ERICH6: variants seen among roughly 807,000 people sequenced by gnomAD.
The protein encoded by ERICH6 is glutamate rich 6.
ERICH6 carries 71 observed loss-of-function variants against 71.0 expected under a neutral mutation model. The ratio of observed to expected loss-of-function variants is 1.00; its 90% CI spans 0.83 to 1.22. ERICH6 has a LOEUF of 1.22. ERICH6 is among the 50% of genes most tolerant of loss of function. ERICH6 has a pLI of 0.00. For synonymous variants in ERICH6, 262 were observed against 278.4 expected (o/e 0.94, Z 0.59); for missense variants, 808 against 797.2 (o/e 1.01, Z -0.16).
At chr3:150,669,274 C>A (rs780628265) in intron 12 of ERICH6, 22 bp downstream of exon 12, 192 of 1,556,888 alleles carry the variant, frequency 1.2e-4, no homozygotes, top group Non-Finnish European at 1.5e-4. Flanking sequence ...AAAATGGCAG[C>A]AGCAGGAACC....
At chr3:150,680,024 T>C (rs534809617) in intron 9 of ERICH6, among the ~76,000 whole-genome samples, 1 of 152,308 alleles carries the variant, frequency 6.6e-6, no homozygotes, top group Non-Finnish European at 1.5e-5. Flanking sequence ...GTATGCTTAA[T>C]AAAATATGAG....
rs1225938289 is a variant in ERICH6, at chr3:150,698,815, C to G, written c.529G>C (p.Asp177His). 1 of 1,613,922 alleles carries G rather than the reference C, an allele frequency of 6.2e-7. No homozygotes were observed. The highest frequency in any genetic ancestry group is 8.5e-7 in the Non-Finnish European group (1 of 1,179,902). Residue 177 changes from aspartate (D) to histidine (H), a missense_variant, in exon 3 of 14, where the codon GAT (aspartate) becomes CAT (histidine). Asp to His is a moderately conservative substitution (Grantham distance 81, BLOSUM62 -1). Around this residue, in one of 3 missense-constraint regions of ERICH6, gnomAD observed 736 missense variants for 712.2 expected, o/e 1.03. Transcript: ENST00000295910. ...SVQTEESWLQ[D>H]LSDKVQSRKK... ...CTCGATTGCACTTTATCAGACAAAT[C>G]TTGGAGCCAACTTTCTTCTGTTTGT... is the stretch of plus-strand genomic sequence containing the variant.
chr3:150,675,759 G>T lies in ERICH6; in HGVS notation c.1258-1718C>A, dbSNP rs372014149. Among the ~76,000 whole-genome samples, 114 of 148,128 alleles carry T rather than the reference G, an allele frequency of 7.7e-4. 3 individuals carry two copies. In the South Asian group the frequency reaches 0.024, roughly 31 times the overall value. ...ATTCCATTGCCTTTGAGCCTCTATT[G>T]TTGCTGTTGGGAGGTCATCTGCTAA... On this transcript the variant is annotated intron_variant, in intron 10 of 13. Coordinates refer to ENST00000295910, the MANE Select transcript of ERICH6 (RefSeq NM_152394.5).
At chr3:150,700,146 C>G (rs1441787802) in intron 2 of ERICH6, among the ~76,000 whole-genome samples, 1 of 151,478 alleles carries the variant, frequency 6.6e-6, no homozygotes, top group African/African-American at 2.4e-5. Context: ...GCGATCTTGG[C>G]TCACTGCAAG....
chr3:150,684,215 A>G (rs1476375479), intron 6 of ERICH6, among the ~76,000 whole-genome samples: 1 of 152,178 alleles, frequency 6.6e-6, no homozygotes, highest in Non-Finnish European at 1.5e-5. Flanking sequence ...GTGAGACCAC[A>G]TCTTTTCAAT....
chr3:150,663,667 C>T (rs1727302403), intron 13 of ERICH6, among the ~76,000 whole-genome samples: 3 of 152,056 alleles, frequency 2.0e-5, no homozygotes, highest in Admixed American at 6.6e-5. Flanking sequence ...TCATAGAGAT[C>T]GGGTCTCACT....
rs1727444634 is a variant in ERICH6 at position 150,667,002 on chromosome 3, T to C, written c.1513A>G (p.Ile505Val). ...TGATCTGAATATTGACCTCCCAAGATATTGATGTATACCCTGGTCAGGAAG... is the reference window on the plus strand; with the variant it reads ...TGATCTGAATATTGACCTCCCAAGACATTGATGTATACCCTGGTCAGGAAG... ...PNGNVWVYIN[I>V]LGGQYSDQAG... The change falls in exon 13 of 14, where the codon ATC (isoleucine) becomes GTC (valine). Residue 505 changes from isoleucine to valine, a missense_variant. Around this residue, in one of 3 missense-constraint regions of ERICH6, gnomAD observed 736 missense variants for 712.2 expected, o/e 1.03. Coordinates refer to ENST00000295910, the MANE Select transcript of ERICH6 (RefSeq NM_152394.5). The C allele has an allele frequency of 1.9e-6, 3 of 1,613,896 alleles. No homozygotes were observed. The highest frequency in any genetic ancestry group is 2.2e-5 in the South Asian group (2 of 91,040).
intron 10 of ERICH6, among the ~76,000 whole-genome samples, chr3:150,676,107 ACTCT>A (rs1711643653): frequency 6.7e-6 from 1 of 150,028 alleles, no homozygotes; most frequent in South Asian, 2.1e-4. Flanking sequence ...TGTTCCATAC[ACTCT>A]CTCTTGTGTT....
At position 150,673,979 on chromosome 3, in the gene ERICH6, A is replaced by C; in HGVS notation, c.1320T>G (p.Phe440Leu). 1.9e-6 allele frequency: 3 copies of C among 1,614,154 alleles called. No individual in the cohort carries two copies. Among genetic ancestry groups the C allele is most frequent in the Non-Finnish European group, 2.5e-6 (3 of 1,179,984 alleles). The change falls in exon 11 of 14, where the codon TTT becomes TTG. Residue 440 changes from phenylalanine to leucine, a missense_variant. Phe to Leu is a conservative substitution (Grantham distance 22, BLOSUM62 0). Around this residue, in one of 3 missense-constraint regions of ERICH6, gnomAD observed 736 missense variants for 712.2 expected, o/e 1.03. Transcript: ENST00000295910. ...YKHGSKFLTSFPDGTTQIFYP... is the reference protein window; with the variant it reads ...YKHGSKFLTSLPDGTTQIFYP... ...ACAATATTTGTGTTGTCCCATCTGG[A>C]AATGAAGTCAGAAACTTGCTCCCAT...
At chr3:150,691,084 T>C (rs1712412954) in intron 3 of ERICH6, among the ~76,000 whole-genome samples, 1 of 152,196 alleles carries the variant, frequency 6.6e-6, no homozygotes, top group South Asian at 2.1e-4. Flanking sequence ...AAAAGCAAGA[T>C]GGAATCAGTT....
chr3:150,687,520 A>G (rs910646527), intron 3 of ERICH6, among the ~76,000 whole-genome samples: 3 of 152,220 alleles, frequency 2.0e-5, no homozygotes, highest in South Asian at 2.1e-4. Context: ...GTTATTCTTC[A>G]TGAGATTTTT....
chr3:150,697,336 A>C (rs960006900), intron 3 of ERICH6, among the ~76,000 whole-genome samples: 3 of 152,226 alleles, frequency 2.0e-5, no homozygotes, highest in Admixed American at 2.0e-4. Flanking sequence ...TTGACCTTAA[A>C]AAATAAGACT....
intron 11 of ERICH6, 103 bp downstream of exon 11, chr3:150,673,853 T>C (rs1437484142): frequency 3.8e-6 from 4 of 1,054,946 alleles, no homozygotes; most frequent in Non-Finnish European, 4.2e-6. Context: ...AGTGCTGGCA[T>C]TACAGGTGTG....
At chr3:150,673,301 C>G (rs1711533800) in intron 11 of ERICH6, among the ~76,000 whole-genome samples, 1 of 151,798 alleles carries the variant, frequency 6.6e-6, no homozygotes, top group African/African-American at 2.4e-5. Flanking sequence ...AATCCTTTCA[C>G]CTCAGCCTCC....
intron 7 of ERICH6, among the ~76,000 whole-genome samples, chr3:150,681,949 G>A (rs1711967240): frequency 6.6e-6 from 1 of 151,320 alleles, no homozygotes; most frequent in Non-Finnish European, 1.5e-5. Context: ...CAAGTAGCTG[G>A]GACTACAGGT....
intron 6 of ERICH6, among the ~76,000 whole-genome samples, chr3:150,683,710 T>C (rs933576011): frequency 6.6e-6 from 1 of 152,046 alleles, no homozygotes; most frequent in Non-Finnish European, 1.5e-5. Context: ...GCTAAGATCA[T>C]GCCACTGCAC....
At chr3:150,660,472 G>T (rs147390132) in intron 13 of ERICH6, among the ~76,000 whole-genome samples, 1 of 152,152 alleles carries the variant, frequency 6.6e-6, no homozygotes, top group African/African-American at 2.4e-5. Context: ...AGTACCCAGT[G>T]GGGGAGGTAG....
In ERICH6 at chr3:150,678,336, TGAAAGACTTTATA is replaced by T. The variant is rs1711740243; in HGVS notation, c.1257+60_1257+72del. On this transcript the variant is annotated intron_variant, in intron 10 of 13. Coordinates refer to ENST00000295910, the MANE Select transcript of ERICH6 (RefSeq NM_152394.5). ...AAATGCATCATGTAGCCAAGCTTCA[TGAAAGACTTTATA>T]ATTTTAGGTAAAACTGGTTTTTTTT... The T allele has an allele frequency of 5.6e-6, 8 of 1,434,050 alleles. No homozygotes were observed. In the South Asian group the frequency reaches 1.0e-4, roughly 19 times the overall value. The allele number at this position is 1,434,050 out of a possible 1,614,324, so 88.8% of individuals were successfully genotyped here. A position where few individuals can be genotyped will look rare whatever the true frequency, so the allele number is the denominator to read the frequency against.
At chr3:150,695,756 G>T (rs1234171837) in intron 3 of ERICH6, among the ~76,000 whole-genome samples, 2 of 149,890 alleles carry the variant, frequency 1.3e-5, no homozygotes, top group African/African-American at 2.5e-5. Flanking sequence ...AACTTTATGA[G>T]GCTCATATAT....
Sources: allele counts gnomAD v4.1 joint callset (sites outside exome capture counted in the v4.1 genomes callset), GRCh38; gene constraint gnomAD v4.1.1; regional missense constraint gnomAD v4.1.1; transcripts MANE v1.5; gene names NCBI Gene and HGNC (gene_info 2026-07-23, HGNC 2026-07-21).